Variants in UBTD1 observed in about 807,000 individuals in gnomAD.
The protein encoded by UBTD1 is ubiquitin domain containing 1.
In UBTD1, 19 loss-of-function variants were observed where a neutral mutation model predicts 21.7. The observed-to-expected ratio is 0.87, with a 90% CI of 0.61 to 1.28. The LOEUF is 1.28. Ranked by LOEUF, UBTD1 falls within the 50% of genes most tolerant of loss-of-function variation. The pLI, the probability that UBTD1 is intolerant of heterozygous loss-of-function variation, is 0.00. For missense variants in UBTD1, 282 were observed against 315.1 expected (o/e 0.89, Z 0.80); for synonymous variants, 116 against 135.1 (o/e 0.86, Z 0.98).
At chr10:97,535,975 A>ATTATTATTATTG (rs1554865888) in intron 1 of UBTD1, among the ~76,000 whole-genome samples, 127 of 144,230 alleles carry the variant, frequency 8.8e-4, no homozygotes, top group African/African-American at 2.3e-3. Flanking sequence ...AGAAATTATT[A>ATTATTATTATTG]TTATTATTAT....
At chr10:97,511,260 C>T (rs1246801754) in intron 1 of UBTD1, among the ~76,000 whole-genome samples, 2 of 152,156 alleles carry the variant, frequency 1.3e-5, no homozygotes, top group African/African-American at 4.8e-5. Flanking sequence ...TCTAATCCTC[C>T]TGATAGTCCA....
chr10:97,525,781 G>A (rs187456885), intron 1 of UBTD1, among the ~76,000 whole-genome samples: 80 of 152,266 alleles, frequency 5.3e-4, no homozygotes, highest in African/African-American at 1.9e-3. Context: ...TGTAAACTGC[G>A]GGAGAGCAAG....
At chr10:97,554,031 C>A (rs1218608185) in intron 1 of UBTD1, among the ~76,000 whole-genome samples, 3 of 152,184 alleles carry the variant, frequency 2.0e-5, no homozygotes, top group Non-Finnish European at 4.4e-5. Context: ...AAGGCAGCAT[C>A]CTTCAGGCAC....
At chr10:97,535,913 G>A (rs1374026908) in intron 1 of UBTD1, among the ~76,000 whole-genome samples, 2 of 150,968 alleles carry the variant, frequency 1.3e-5, no homozygotes, top group African/African-American at 4.9e-5. Context: ...GCAAGATCTT[G>A]TCTCAAAAAA....
chr10:97,570,200 T>A lies in UBTD1; in HGVS notation c.361T>A (p.Ser121Thr). The change falls in exon 3 of 3, where the codon TCA becomes ACA. Residue 121 changes from serine (S) to threonine (T), a missense_variant. Physicochemically the swap from Ser to Thr is moderately conservative, Grantham distance 58. Coordinates refer to ENST00000370664, the MANE Select transcript of UBTD1 (RefSeq NM_024954.5). The surrounding 1 kb of genome is among the most constrained non-coding windows in gnomAD (Gnocchi z 6.6). ...NRYQLPIYCL[S>T]PPVNLLLEHT... ...CTACCAGCTGCCCATCTACTGCCTG[T>A]CACCGCCGGTGAACCTGCTGCTGGA... The A allele has an allele frequency of 6.2e-7, 1 of 1,613,090 alleles. No individual in the cohort carries two copies. Among genetic ancestry groups the A allele is most frequent in the Non-Finnish European group, 8.5e-7 (1 of 1,179,880 alleles).
At chr10:97,564,108 G>T (rs1174643010) in intron 1 of UBTD1, among the ~76,000 whole-genome samples, 3 of 152,126 alleles carry the variant, frequency 2.0e-5, no homozygotes, top group Admixed American at 2.0e-4. Context: ...AGTTTGAGGG[G>T]TCAGATTCTT....
intron 2 of UBTD1, 125 bp downstream of exon 2, chr10:97,568,266 C>T: frequency 1.1e-6 from 1 of 946,272 alleles, no homozygotes; most frequent in South Asian, 1.5e-5. Context: ...CATTCAAGCA[C>T]CCCTTACTGA....
chr10:97,510,327 T>A (rs1326608573), intron 1 of UBTD1, among the ~76,000 whole-genome samples: 2 of 152,256 alleles, frequency 1.3e-5, no homozygotes, highest in African/African-American at 2.4e-5. Flanking sequence ...AAGATAGTTT[T>A]CCTTTGGTGA....
At chr10:97,525,558 C>G (rs2040484756) in intron 1 of UBTD1, among the ~76,000 whole-genome samples, 1 of 152,156 alleles carries the variant, frequency 6.6e-6, no homozygotes, top group African/African-American at 2.4e-5. Flanking sequence ...TGGTCTGAGC[C>G]TAGTGGAAGT....
intron 1 of UBTD1, among the ~76,000 whole-genome samples, chr10:97,537,366 C>T (rs2040567788): frequency 6.6e-6 from 1 of 152,136 alleles, no homozygotes; most frequent in African/African-American, 2.4e-5. Context: ...GCTCCCAGGC[C>T]AAGCCCATTA....
chr10:97,509,654 T>C (rs963462956), intron 1 of UBTD1, among the ~76,000 whole-genome samples: 1 of 152,118 alleles, frequency 6.6e-6, no homozygotes, highest in East Asian at 1.9e-4. Context: ...ATTTCCTTTT[T>C]TTTCCCCCCA....
At chr10:97,547,725 T>G (rs2135678928) in intron 1 of UBTD1, among the ~76,000 whole-genome samples, 1 of 152,224 alleles carries the variant, frequency 6.6e-6, no homozygotes, top group South Asian at 2.1e-4. Context: ...CCACCACGCC[T>G]GGCTAATTTT....
chr10:97,529,038 A>G (rs981779551), intron 1 of UBTD1, among the ~76,000 whole-genome samples: 2 of 149,470 alleles, frequency 1.3e-5, no homozygotes, highest in Non-Finnish European at 3.0e-5. Flanking sequence ...GGGTCTCCTC[A>G]CTTCTCAGAC....
chr10:97,528,360 C>T (rs1300122897), intron 1 of UBTD1, among the ~76,000 whole-genome samples: 17 of 120,128 alleles, frequency 1.4e-4, no homozygotes, highest in African/African-American at 5.6e-4. Context: ...CTGACCCCCC[C>T]ACCTCCCTCC....
chr10:97,514,589 A>C (rs2040436561), intron 1 of UBTD1, among the ~76,000 whole-genome samples: 1 of 152,166 alleles, frequency 6.6e-6, no homozygotes, highest in Non-Finnish European at 1.5e-5. Context: ...TGATGCAGGC[A>C]GGGTCACCTC....
At chr10:97,558,204 A>G (rs2040674284) in intron 1 of UBTD1, among the ~76,000 whole-genome samples, 1 of 151,760 alleles carries the variant, frequency 6.6e-6, no homozygotes, top group Non-Finnish European at 1.5e-5. Flanking sequence ...ACTGAATCCA[A>G]TACTTCTACA....
chr10:97,553,230 C>G (rs183923005), intron 1 of UBTD1, among the ~76,000 whole-genome samples: 12 of 152,348 alleles, frequency 7.9e-5, no homozygotes, highest in Admixed American at 7.8e-4. Context: ...CTCCCGGGTT[C>G]AGGCAGTTCT....
rs1382468044 is a variant in UBTD1, at chr10:97,543,943, T to C, written c.71-23971T>C. ...GGCCTGGTGCTGGATGGGCCACATC[T>C]GGACTGTTAAGTTAGTTGAAACAAG... is the stretch of plus-strand genomic sequence containing the variant. On this transcript the variant is annotated intron_variant, in intron 1 of 2. Coordinates refer to ENST00000370664, the MANE Select transcript of UBTD1 (RefSeq NM_024954.5). Among the ~76,000 whole-genome samples the C allele has an allele frequency of 2.0e-5, 3 of 151,970 alleles. No individual in the cohort carries two copies. The East Asian group carries it at 5.8e-4, about 29-fold the overall frequency.
chr10:97,513,716 G>A (rs1315880206), intron 1 of UBTD1, among the ~76,000 whole-genome samples: 2 of 152,166 alleles, frequency 1.3e-5, no homozygotes, highest in African/African-American at 4.8e-5. Context: ...TTATCTGCCT[G>A]TTTCTTTTTA....
Sources: gnomAD v4.1 joint callset for allele counts (sites outside exome capture counted in the v4.1 genomes callset) on GRCh38, gnomAD v4.1.1 for gene constraint, Gnocchi (gnomAD v3.1) non-coding constraint, MANE v1.5 for transcripts, NCBI Gene and HGNC (gene_info 2026-07-23, HGNC 2026-07-21) for gene names.